Variants in TRIM37 observed in about 807,000 individuals in gnomAD.
The protein encoded by TRIM37 is tripartite motif containing 37.
Under a neutral mutation model 129.8 loss-of-function variants are expected in TRIM37, and 80 were observed. The ratio of observed to expected loss-of-function variants is 0.62; its 90% CI spans 0.51 to 0.74. The LOEUF (loss-of-function observed/expected upper bound fraction) is 0.74. TRIM37 is among the 30% of genes least tolerant of loss of function. TRIM37 has a pLI of 0.00. For missense variants in TRIM37, 1,054 were observed against 1,176.5 expected (o/e 0.90, Z 1.52); for synonymous variants, 389 against 387.1 (o/e 1.00, Z -0.06).
At chr17:58,988,342 T>C (rs958894195) in intron 24 of TRIM37, among the ~76,000 whole-genome samples, 2 of 152,118 alleles carry the variant, frequency 1.3e-5, no homozygotes, top group Non-Finnish European at 1.5e-5. Flanking sequence ...GCCTTGGGCA[T>C]GGGTAAAGGA....
At chr17:59,034,654 C>T (rs999790323) in intron 17 of TRIM37, among the ~76,000 whole-genome samples, 3 of 152,046 alleles carry the variant, frequency 2.0e-5, no homozygotes, top group African/African-American at 7.2e-5. Flanking sequence ...GCCATGGTGC[C>T]CGGCCTATGT....
chr17:58,972,098 T>C, the TRIM37 span: 3 of 1,586,840 alleles, frequency 1.9e-6, no homozygotes, highest in Non-Finnish European at 2.6e-6. Flanking sequence ...CTATTTCTTT[T>C]CACTGAGTCT....
Position 59,079,788 on chromosome 17 carries a change from GT to G in TRIM37, c.581del (p.Asp194AlafsTer4). On this transcript the variant is annotated frameshift_variant, in exon 7 of 24. Coordinates refer to ENST00000262294, the MANE Select transcript of TRIM37 (RefSeq NM_015294.6). LOFTEE classifies it high-confidence loss of function. Reference sequence around the variant, plus strand: ...TTATAAGCTTATTCTTCAGCTGTGTGTCTAACCGTGCAATCATCATCTCCAC... The same window carrying G: ...TTATAAGCTTATTCTTCAGCTGTGTGCTAACCGTGCAATCATCATCTCCAC... ...NAVEMMIARL[D>X]TQLKNKLITL... The G allele has an allele frequency of 6.2e-7, 1 of 1,614,034 alleles. No homozygotes were observed. The highest frequency in any genetic ancestry group is 8.5e-7 in the Non-Finnish European group (1 of 1,179,960).
At chr17:59,063,144 G>A (rs1025086294) in intron 10 of TRIM37, among the ~76,000 whole-genome samples, 2 of 150,878 alleles carry the variant, frequency 1.3e-5, no homozygotes, top group African/African-American at 4.9e-5. Flanking sequence ...AAATTAAATG[G>A]GAAGAGGGAT....
At chr17:59,028,297 AATTTGT>A (rs2037452935) in intron 19 of TRIM37, 112 bp downstream of exon 19, 2 of 937,812 alleles carry the variant, frequency 2.1e-6, no homozygotes, top group South Asian at 3.1e-5. Flanking sequence ...AGTCACATGT[AATTTGT>A]AGTCTTAACT....
intron 1 of TRIM37, 155 bp from the exon 2 acceptor site, chr17:59,104,549 T>C (rs1475799427): frequency 7.6e-6 from 6 of 791,048 alleles, no homozygotes; most frequent in Non-Finnish European, 1.4e-5. Context: ...AGATACAGAG[T>C]ACCTCAAAAC....
downstream of TRIM37, among the ~76,000 whole-genome samples, chr17:58,996,937 A>C (rs1413475320): frequency 1.3e-5 from 2 of 152,064 alleles, no homozygotes; most frequent in Non-Finnish European, 2.9e-5. Flanking sequence ...GCATCTGTCA[A>C]ACCCAAATAA....
intron 17 of TRIM37, among the ~76,000 whole-genome samples, chr17:59,040,817 C>A (rs892967368): frequency 6.6e-6 from 1 of 151,676 alleles, no homozygotes; most frequent in Non-Finnish European, 1.5e-5. Flanking sequence ...GAGGCCGAGG[C>A]GGGTGGATCA....
At chr17:59,094,594 C>T (rs1256607342) in intron 2 of TRIM37, among the ~76,000 whole-genome samples, 1 of 151,670 alleles carries the variant, frequency 6.6e-6, no homozygotes, top group African/African-American at 2.4e-5. Context: ...GCAATATATA[C>T]TAAGTATCTA....
intron 13 of TRIM37, 99 bp from the exon 14 acceptor site, chr17:59,051,427 C>T: frequency 6.4e-6 from 5 of 783,346 alleles, no homozygotes; most frequent in Admixed American, 2.0e-5. Flanking sequence ...GATTATAAGG[C>T]CAAAATTCAC....
chr17:59,011,397 C>T (rs2098931355), intron 22 of TRIM37, among the ~76,000 whole-genome samples: 1 of 152,158 alleles, frequency 6.6e-6, no homozygotes, highest in South Asian at 2.1e-4. Flanking sequence ...GAAAATGCCA[C>T]CACCTACACA....
chr17:58,975,131 A>G, the TRIM37 span, among the ~76,000 whole-genome samples: 12 of 152,288 alleles, frequency 7.9e-5, no homozygotes, highest in South Asian at 1.9e-3. Context: ...GGACTATACT[A>G]TCTGTGGAAC....
rs550088759 is a variant in TRIM37, at chr17:59,063,163, T to A, written c.861-515A>T. On this transcript the variant is annotated intron_variant, in intron 10 of 23. Coordinates refer to ENST00000262294, the MANE Select transcript of TRIM37 (RefSeq NM_015294.6). The stretch of plus-strand genomic sequence containing the variant: ...TAAATGGGAAGAGGGATAAATTCTG[T>A]GTGGCTTTTTTTTTTTTTGAGATAG... 3.5e-3 allele frequency among the ~76,000 whole-genome samples: 535 copies of A among 151,414 alleles called. 2 individuals carry two copies. Among genetic ancestry groups the A allele is most frequent in the Non-Finnish European group, 5.8e-3 (394 of 67,830 alleles).
Position 59,062,798 on chromosome 17 carries a change from A to G in TRIM37, c.861-150T>C, listed in dbSNP as rs1568138562. On this transcript the variant is annotated intron_variant, in intron 10 of 23. Transcript: ENST00000262294. The stretch of plus-strand genomic sequence containing the variant: ...CTGAACAGGTCAAAATTCCACTGTA[A>G]AAGTTTAGATATGCTTACATCCTGA... 4.3e-6 allele frequency: 3 copies of G among 691,704 alleles called. No individual in the cohort carries two copies. In the East Asian group the frequency reaches 8.1e-5, roughly 19 times the overall value. The allele number at this position is 691,704 out of a possible 1,614,324, so 42.8% of individuals were successfully genotyped here. A position where few individuals can be genotyped will look rare whatever the true frequency, so the allele number is the denominator to read the frequency against.
chr17:59,091,396 ATT>A lies in TRIM37; in HGVS notation c.124-58_124-57del, dbSNP rs1568228962. ...GAAAACATCATTACTATATATATATATTACTTAATATTTTATATTTATATATA... is the reference window on the plus strand; with the variant it reads ...GAAAACATCATTACTATATATATATAACTTAATATTTTATATTTATATATA... On this transcript the variant is annotated intron_variant, in intron 2 of 23. Transcript: ENST00000262294. The A allele has an allele frequency of 8.4e-6, 5 of 597,028 alleles. No individual in the cohort carries two copies. The South Asian group carries it at 1.8e-4, about 22-fold the overall frequency. The allele number at this position is 597,028 out of a possible 1,614,324, so 37.0% of individuals were successfully genotyped here. A position where few individuals can be genotyped will look rare whatever the true frequency, so the allele number is the denominator to read the frequency against.
chr17:59,035,238 T>C (rs1225675950), intron 17 of TRIM37, among the ~76,000 whole-genome samples: 1 of 151,620 alleles, frequency 6.6e-6, no homozygotes, highest in African/African-American at 2.4e-5. Context: ...TTTTTCTACT[T>C]TCAGTAGAAA....
Position 59,062,570 on chromosome 17 carries a change from G to C in TRIM37, c.939C>G (p.Tyr313Ter), listed in dbSNP as rs2041586519. Reference sequence around the variant, plus strand: ...ATTAGAAATATGAAAAACTTACTGGGTAAACTTTTAACCTCCAGCAAAGTC... The same window carrying C: ...ATTAGAAATATGAAAAACTTACTGGCTAAACTTTTAACCTCCAGCAAAGTC... The part of the protein sequence containing the change: ...VSGLCWRLKV[Y>*]PDGNGVVRGY... The change falls in exon 11 of 24, where the codon TAC (tyrosine) becomes TAG (stop). Residue 313 changes from tyrosine (Y) to a stop codon, truncating the protein, a stop_gained. Transcript: ENST00000262294. LOFTEE classifies it high-confidence loss of function. 6.2e-7 allele frequency: 1 copy of C among 1,613,180 alleles called. No individual in the cohort carries two copies. The highest frequency in any genetic ancestry group is 2.2e-5 in the East Asian group (1 of 44,858).
chr17:58,981,691 A>G (rs1030160173), downstream of TRIM37: 1 of 152,634 alleles, frequency 6.6e-6, no homozygotes, highest in African/African-American at 2.4e-5. Context: ...ACTTTTTTTA[A>G]TTAAAAAATA....
At chr17:59,062,152 T>C (rs1199053423) in intron 11 of TRIM37, among the ~76,000 whole-genome samples, 1 of 152,150 alleles carries the variant, frequency 6.6e-6, no homozygotes, top group Non-Finnish European at 1.5e-5. Context: ...TTATTTAGCA[T>C]CTAGGCAATA....
Sources: gnomAD v4.1 joint callset for allele counts (sites outside exome capture counted in the v4.1 genomes callset) on GRCh38, gnomAD v4.1.1 for gene constraint, MANE v1.5 for transcripts, NCBI Gene and HGNC (gene_info 2026-07-23, HGNC 2026-07-21) for gene names.